Variants in CHD6 observed in about 807,000 individuals in gnomAD.
The protein encoded by CHD6 is ATP-dependent chromatin remodeler CHD6.
A neutral mutation model predicts 276.9 loss-of-function variants in CHD6; 50 were observed. The observed-to-expected ratio is 0.18, with a 90% CI of 0.14 to 0.23. The LOEUF (loss-of-function observed/expected upper bound fraction) is 0.23. CHD6 is among the 10% of genes least tolerant of loss of function. The probability of loss-of-function intolerance (pLI) is 1.00; values close to 1 mark genes in which losing one functional copy is unlikely to be tolerated. For missense variants in CHD6, 2,564 were observed against 3,365.8 expected (o/e 0.76, Z 5.89); for synonymous variants, 1,173 against 1,229.3 (o/e 0.95, Z 0.96).
At chr20:41,438,129 C>T (rs1240519905) in intron 26 of CHD6, among the ~76,000 whole-genome samples, 2 of 152,144 alleles carry the variant, frequency 1.3e-5, no homozygotes, top group South Asian at 2.1e-4. Context: ...TCACATTTGG[C>T]GAAAGTCACT....
intron 10 of CHD6, 30 bp from the exon 11 acceptor site, chr20:41,491,849 T>C (rs1457679065): frequency 6.2e-7 from 1 of 1,612,122 alleles, no homozygotes; most frequent in Admixed American, 1.7e-5. Flanking sequence ...GCATAATAGA[T>C]AGAGAATGAT....
intron 1 of CHD6, among the ~76,000 whole-genome samples, chr20:41,557,672 G>C (rs1172479200): frequency 6.6e-6 from 1 of 152,148 alleles, no homozygotes; most frequent in African/African-American, 2.4e-5. Flanking sequence ...ACACAAACAA[G>C]TGCATACCCA....
Position 41,424,524 on chromosome 20 carries a change from C to A in CHD6, c.4346+654G>T, listed in dbSNP as rs567759790. Among the ~76,000 whole-genome samples the A allele has an allele frequency of 6.6e-5, 10 of 152,318 alleles. 1 individual carries two copies. Among genetic ancestry groups the A allele is most frequent in the African/African-American group, 2.4e-4 (10 of 41,568 alleles). On this transcript the variant is annotated intron_variant, in intron 29 of 36. Coordinates refer to ENST00000373233, the MANE Select transcript of CHD6 (RefSeq NM_032221.5). ...AGAAGGAAGACATATATTCCTTGAACTATCGAATTTCATAAGTCAGGAGTA... is the reference window on the plus strand; with the variant it reads ...AGAAGGAAGACATATATTCCTTGAAATATCGAATTTCATAAGTCAGGAGTA...
chr20:41,498,658 A>G lies in CHD6; in HGVS notation c.916-432T>C, dbSNP rs1045296393. 7.2e-5 allele frequency among the ~76,000 whole-genome samples: 11 copies of G among 152,272 alleles called. No homozygotes were observed. In the South Asian group the frequency reaches 2.3e-3, roughly 32 times the overall value. On this transcript the variant is annotated intron_variant, in intron 6 of 36. Transcript: ENST00000373233. ...GAAGTAAAGATGAAGCCGTGCTCTC[A>G]CCAGCACCAACATACTCTAGCACTC...
At chr20:41,444,561 G>T (rs1464845113) in intron 25 of CHD6, among the ~76,000 whole-genome samples, 1 of 152,186 alleles carries the variant, frequency 6.6e-6, no homozygotes, top group East Asian at 1.9e-4. Context: ...GTTTTGAGTG[G>T]ATTCCAAATT....
intron 25 of CHD6, 112 bp downstream of exon 25, chr20:41,445,553 T>C: frequency 1.5e-6 from 1 of 660,660 alleles, no homozygotes; most frequent in Non-Finnish European, 2.7e-6. Context: ...GATGAATGTG[T>C]AACAGAATGA....
chr20:41,547,419 A>C (rs1333526927), intron 2 of CHD6: 1 of 246,986 alleles, frequency 4.0e-6, no homozygotes, highest in African/African-American at 2.3e-5. Context: ...AGCTGCCTCC[A>C]CCATGCTGCT....
chr20:41,498,475 T>C (rs1158273655), intron 6 of CHD6, among the ~76,000 whole-genome samples: 1 of 152,202 alleles, frequency 6.6e-6, no homozygotes, highest in East Asian at 1.9e-4. Flanking sequence ...GGCACTCAGC[T>C]GATAAACCCA....
At chr20:41,504,165 T>C (rs1161057785) in intron 5 of CHD6, among the ~76,000 whole-genome samples, 12 of 151,390 alleles carry the variant, frequency 7.9e-5, no homozygotes, top group Non-Finnish European at 7.4e-5. Flanking sequence ...CTTTTACCTT[T>C]TGCTCTGTTT....
intron 31 of CHD6, 130 bp from the exon 32 acceptor site, chr20:41,417,479 A>C: frequency 1.3e-6 from 1 of 743,352 alleles, no homozygotes; most frequent in South Asian, 2.6e-5. Flanking sequence ...TTTAAATGGA[A>C]TATTAATTAT....
At chr20:41,544,135 G>C (rs534409050) in intron 2 of CHD6, among the ~76,000 whole-genome samples, 46 of 152,244 alleles carry the variant, frequency 3.0e-4, no homozygotes, top group African/African-American at 1.1e-3. Flanking sequence ...AGCTACTCAA[G>C]AGGCTGAGGC....
intron 11 of CHD6, among the ~76,000 whole-genome samples, chr20:41,490,750 T>C (rs1042754090): frequency 2.0e-5 from 3 of 151,650 alleles, no homozygotes; most frequent in African/African-American, 7.3e-5. Flanking sequence ...GAGGCGGAGG[T>C]TGCAGAGAGC....
intron 3 of CHD6, among the ~76,000 whole-genome samples, chr20:41,516,460 C>T (rs936467718): frequency 2.6e-5 from 4 of 152,116 alleles, no homozygotes; most frequent in Non-Finnish European, 5.9e-5. Context: ...AGGTGTGAGC[C>T]ACCACACCTG....
chr20:41,456,433 A>C (rs1298750979), intron 18 of CHD6, among the ~76,000 whole-genome samples: 21 of 152,122 alleles, frequency 1.4e-4, no homozygotes, highest in Admixed American at 1.4e-3. Context: ...AACTAAAAAA[A>C]AAATGATCCC....
chr20:41,600,728 T>C (rs2045765217), intron 1 of CHD6, among the ~76,000 whole-genome samples: 1 of 152,144 alleles, frequency 6.6e-6, no homozygotes, highest in Non-Finnish European at 1.5e-5. Context: ...ACTATTTTCA[T>C]ATAAGGGAAG....
At position 41,421,926 on chromosome 20, in the gene CHD6, T is replaced by A. The variant is rs142605942; in HGVS notation, c.4709A>T (p.Tyr1570Phe). ...ERLQLCRPSL[Y>F]LPVWWECGKH... ...CCCACACTCCCACCAGACTGGGAGG[T>A]AGAGGCTGGGCCTGCACAGCTGGAG... The change falls in exon 31 of 37, where the codon TAC becomes TTC. Residue 1570 changes from tyrosine (Y) to phenylalanine (F), a missense_variant. By Grantham distance (22) the Tyr-to-Phe change is conservative. Transcript: ENST00000373233. The A allele has an allele frequency of 2.5e-6, 4 of 1,613,996 alleles. No individual in the cohort carries two copies. The highest frequency in any genetic ancestry group is 2.5e-6 in the Non-Finnish European group (3 of 1,179,952).
chr20:41,444,094 C>T (rs1194452656), intron 25 of CHD6, among the ~76,000 whole-genome samples: 2 of 151,938 alleles, frequency 1.3e-5, no homozygotes, highest in African/African-American at 2.4e-5. Flanking sequence ...ACTAGGCCTT[C>T]CCCCACAAAC....
chr20:41,466,427 T>A (rs1415237502), intron 17 of CHD6, among the ~76,000 whole-genome samples: 1 of 152,210 alleles, frequency 6.6e-6, no homozygotes, highest in Non-Finnish European at 1.5e-5. Flanking sequence ...TATATTACAG[T>A]TTATTCAATT....
chr20:41,611,284 A>G (rs1296029001), intron 1 of CHD6, among the ~76,000 whole-genome samples: 1 of 152,232 alleles, frequency 6.6e-6, no homozygotes, highest in Non-Finnish European at 1.5e-5. Flanking sequence ...AAAAGGGTAG[A>G]AATGCTAAAG....
Sources: gnomAD v4.1 joint callset for allele counts (sites outside exome capture counted in the v4.1 genomes callset) on GRCh38, gnomAD v4.1.1 for gene constraint, MANE v1.5 for transcripts, NCBI Gene and HGNC (gene_info 2026-07-23, HGNC 2026-07-21) for gene names.